Variants in MYO1C observed in about 807,000 individuals in gnomAD.
The protein encoded by MYO1C is unconventional myosin-Ic.
In MYO1C, 104 loss-of-function variants were observed where a neutral mutation model predicts 150.8. That is an observed-to-expected ratio of 0.69 (90% CI 0.59 to 0.81). The LOEUF is 0.81. Ranked by LOEUF, MYO1C falls within the 30% of genes least tolerant of loss-of-function variation. The pLI is 0.00. For synonymous variants in MYO1C, 663 were observed against 579.9 expected (o/e 1.14, Z -2.06); for missense variants, 1,504 against 1,435.0 (o/e 1.05, Z -0.78).
intron 17 of MYO1C, chr17:1,472,487 C>T: frequency 1.9e-6 from 1 of 522,990 alleles, no homozygotes; most frequent in Non-Finnish European, 3.4e-6. Flanking sequence ...CCAGCAACCT[C>T]AGTGCTACAC....
At position 1,480,421 on chromosome 17, in the gene MYO1C, C is replaced by G; in HGVS notation, c.906+106G>C. 3.9e-6 allele frequency: 4 copies of G among 1,019,590 alleles called. No individual in the cohort carries two copies. In the South Asian group the frequency reaches 5.1e-5, roughly 13 times the overall value. The allele number at this position is 1,019,590 out of a possible 1,614,324, so 63.2% of individuals were successfully genotyped here. ...TGAGATTGCACCACTGCACTCCAGCCTGGGCAACAAGAATGAAACTCCGTC... is the reference window on the plus strand; with the variant it reads ...TGAGATTGCACCACTGCACTCCAGCGTGGGCAACAAGAATGAAACTCCGTC... On this transcript the variant is annotated intron_variant, in intron 7 of 31. Coordinates refer to ENST00000648651, the MANE Select transcript of MYO1C (RefSeq NM_001080779.2).
At chr17:1,468,660 C>A in intron 25 of MYO1C, 164 bp from the exon 26 acceptor site, 1 of 641,786 alleles carries the variant, frequency 1.6e-6, no homozygotes, top group Non-Finnish European at 2.8e-6. Context: ...CCCATCAACC[C>A]TCCACTTCCT....
At chr17:1,487,978 C>T (rs2074685776) in intron 1 of MYO1C, among the ~76,000 whole-genome samples, 1 of 152,208 alleles carries the variant, frequency 6.6e-6, no homozygotes, top group African/African-American at 2.4e-5. Flanking sequence ...CAGCCTCCAG[C>T]CCGCCCAGGG....
Position 1,472,026 on chromosome 17 carries a change from T to C in MYO1C, c.1904-2A>G. 1 of 1,613,934 alleles carries C rather than the reference T, an allele frequency of 6.2e-7. No homozygotes were observed. Among genetic ancestry groups the C allele is most frequent in the Non-Finnish European group, 8.5e-7 (1 of 1,179,914 alleles). ...GGATCAGCACCTCGTCAAAGCGGCC[T>C]GGGGTAGGGGGAGCGCCGTGGTCAG... is the stretch of plus-strand genomic sequence containing the variant. On this transcript the variant is annotated splice_acceptor_variant, in intron 18 of 31. Transcript: ENST00000648651. LOFTEE classifies it high-confidence loss of function.
chr17:1,482,544 G>A lies in MYO1C; in HGVS notation c.561C>T (p.Ala187=), dbSNP rs74777662. Residue 187 remains alanine (A), a synonymous_variant, in exon 5 of 32, where the codon GCC becomes GCT. Coordinates refer to ENST00000648651, the MANE Select transcript of MYO1C (RefSeq NM_001080779.2). Reference sequence around the variant, plus strand: ...TGGAGTTATCGTTCCGGAGGGTCTTGGCATTTCCAAAGGCCTAGGAGTGGA... The same window carrying A: ...TGGAGTTATCGTTCCGGAGGGTCTTAGCATTTCCAAAGGCCTAGGAGTGGA... ...SNPVLEAFGN[A]KTLRNDNSSR... is the part of the protein sequence containing the mutation. 509 of 1,613,952 alleles carry A rather than the reference G, an allele frequency of 3.2e-4. 5 individuals are homozygous for A. In the East Asian group the frequency reaches 9.6e-3, roughly 30 times the overall value.
At chr17:1,480,943 G>T (rs1228163473) in intron 5 of MYO1C, 58 bp from the exon 6 acceptor site, 3 of 1,578,880 alleles carry the variant, frequency 1.9e-6, no homozygotes, top group Non-Finnish European at 2.6e-6. Flanking sequence ...GAGCCCACCT[G>T]CCCCTCTTCT....
rs978264157 is a variant in MYO1C, at chr17:1,477,170, AT to A, written c.1574+334del. On this transcript the variant is annotated intron_variant, in intron 14 of 31. Coordinates refer to ENST00000648651, the MANE Select transcript of MYO1C (RefSeq NM_001080779.2). ...CTCTTTTTTAAAAAATTCATTATTT[AT>A]TTTTTTCCCTTTTTTTTTTTTTTTG... 2.9e-3 allele frequency: 787 copies of A among 267,206 alleles called. 6 individuals carry two copies. The highest frequency in any genetic ancestry group is 0.017 in the African/African-American group (723 of 43,044). 16.6% of individuals were successfully genotyped at this position (267,206 alleles called of 1,614,324 possible).
intron 2 of MYO1C, 116 bp from the exon 3 acceptor site, chr17:1,483,841 C>G (rs1838252279): frequency 2.5e-6 from 2 of 811,846 alleles, no homozygotes; most frequent in Non-Finnish European, 4.1e-6. Flanking sequence ...GTCGGGAGTT[C>G]AAGACCAACC....
chr17:1,488,308 TCTCCGCCGCTCGCGGGCCCCAGGGCGG>T (rs2074691402), intron 1 of MYO1C, among the ~76,000 whole-genome samples: 1 of 152,060 alleles, frequency 6.6e-6, no homozygotes, highest in Non-Finnish European at 1.5e-5. Flanking sequence ...GGAGGGGGCG[TCTCCGCCGCTCGCGGGCCCCAGGGCGG>T]CTCCAGCACT....
At chr17:1,467,963 C>T (rs758111309) in intron 28 of MYO1C, 25 bp downstream of exon 28, 9 of 1,612,838 alleles carry the variant, frequency 5.6e-6, no homozygotes, top group South Asian at 5.5e-5. Flanking sequence ...GGGCCCTCCC[C>T]CTGCAGCCCT....
At chr17:1,483,553 G>T in intron 3 of MYO1C, 57 bp downstream of exon 3, 1 of 1,274,144 alleles carries the variant, frequency 7.8e-7, no homozygotes, top group East Asian at 2.4e-5. Flanking sequence ...AGGGTTGGGC[G>T]GGGTCACCTC....
rs1388702012 is a variant in MYO1C at position 1,478,756 on chromosome 17, AAGG to A, written c.1093-24_1093-22del. On this transcript the variant is annotated intron_variant, in intron 9 of 31. Transcript: ENST00000648651. The surrounding 1 kb of genome is among the most constrained non-coding windows in gnomAD (Gnocchi z 6.3). ...AGGAGCTGTGGACGCAGCGTGAGAC[AAGG>A]AGATGAATGCCACAGAGCCTGTGCA... 3.7e-6 allele frequency: 6 copies of A among 1,612,914 alleles called. No homozygotes were observed. The highest frequency in any genetic ancestry group is 2.2e-5 in the East Asian group (1 of 44,882).
At position 1,464,252 on chromosome 17, in the gene MYO1C, A is replaced by AC. The variant is rs1452831764; in HGVS notation, c.*1473dup. The stretch of plus-strand genomic sequence containing the variant: ...GCAGAAGTGTCAGCAGTGGGCTGAG[A>AC]CCCCCAGAAGGGCATAGAGGCAGCT... On this transcript the variant is annotated 3_prime_UTR_variant, in exon 32 of 32. Transcript: ENST00000648651. The AC allele has an allele frequency of 6.6e-6, 1 of 152,616 alleles. No individual in the cohort carries two copies. Among genetic ancestry groups the AC allele is most frequent in the Non-Finnish European group, 1.5e-5 (1 of 68,060 alleles). The allele number at this position is 152,616 out of a possible 1,614,324, so 9.5% of individuals were successfully genotyped here.
intron 1 of MYO1C, chr17:1,485,572 G>T: frequency 1.3e-6 from 1 of 767,370 alleles, no homozygotes; most frequent in Non-Finnish European, 1.7e-6. Flanking sequence ...GCAACTTCCC[G>T]GGACGTTTTT....
Position 1,465,113 on chromosome 17 carries a change from A to G in MYO1C, c.*613T>C, listed in dbSNP as rs1313812392. ...AGGCGTGAGCCACCATGCCCAGCCT[A>G]AAAGGACATTCTTAAGGCAGAAAGA... is the stretch of plus-strand genomic sequence containing the variant. On this transcript the variant is annotated 3_prime_UTR_variant, in exon 32 of 32. Coordinates refer to ENST00000648651, the MANE Select transcript of MYO1C (RefSeq NM_001080779.2). The G allele has an allele frequency of 6.6e-6, 1 of 152,556 alleles. No homozygotes were observed. The highest frequency in any genetic ancestry group is 1.5e-5 in the Non-Finnish European group (1 of 68,052). 9.5% of individuals were successfully genotyped at this position (152,556 alleles called of 1,614,324 possible). A position where few individuals can be genotyped will look rare whatever the true frequency, so the allele number is the denominator to read the frequency against.
intron 1 of MYO1C, among the ~76,000 whole-genome samples, chr17:1,485,521 A>AG (rs1181315404): frequency 6.6e-6 from 1 of 151,930 alleles, no homozygotes; most frequent in Non-Finnish European, 1.5e-5. Context: ...CCCGGGTCCG[A>AG]GCGTCCCGCG....
intron 1 of MYO1C, chr17:1,491,511 C>T (rs2074733608): frequency 1.8e-6 from 1 of 552,128 alleles, no homozygotes; most frequent in Admixed American, 6.4e-5. Flanking sequence ...GGCCGTGACC[C>T]CTGCCTCGTG....
At chr17:1,484,928 G>C (rs566654738) in intron 1 of MYO1C, 2 of 447,484 alleles carry the variant, frequency 4.5e-6, no homozygotes, top group Non-Finnish European at 8.9e-6. Context: ...CAAGCAAGAG[G>C]TTACTCCCAG....
At chr17:1,480,353 CAGG>C (rs1490239958) in intron 7 of MYO1C, among the ~76,000 whole-genome samples, 171 bp downstream of exon 7, 2 of 149,792 alleles carry the variant, frequency 1.3e-5, no homozygotes, top group African/African-American at 2.5e-5. Context: ...GAGGCTGAGG[CAGG>C]AGAATTGCTT....
Sources: allele counts gnomAD v4.1 joint callset (sites outside exome capture counted in the v4.1 genomes callset), GRCh38; gene constraint gnomAD v4.1.1; non-coding constraint Gnocchi (gnomAD v3.1); transcripts MANE v1.5; gene names NCBI Gene and HGNC (gene_info 2026-07-23, HGNC 2026-07-21).